The following KIF11 variants were observed in gnomAD, a reference collection of about 807,000 sequenced individuals.
The protein encoded by KIF11 is kinesin-like protein KIF11.
A neutral mutation model predicts 121.0 loss-of-function variants in KIF11; 9 were observed. The ratio of observed to expected loss-of-function variants is 0.07; its 90% CI spans 0.04 to 0.13. KIF11 has a LOEUF of 0.13. KIF11 is among the 10% of genes least tolerant of loss of function. The pLI is 1.00. For synonymous variants in KIF11, 408 were observed against 421.0 expected, an observed-to-expected ratio of 0.97 and a Z score of 0.38; for missense variants, 846 against 1,217.5, an observed-to-expected ratio of 0.69 and a Z score of 4.54.
chr10:92,610,158 C>G (rs1024396500), intron 6 of KIF11, among the ~76,000 whole-genome samples: 25 of 152,230 alleles, frequency 1.6e-4, no homozygotes, highest in African/African-American at 5.1e-4. Flanking sequence ...ACCTCCTTAG[C>G]CTTATGAAGG....
In KIF11 at chr10:92,630,193, G is replaced by T; in HGVS notation, c.1323G>T (p.Met441Ile). 2 of 1,563,256 alleles carry T rather than the reference G, an allele frequency of 1.3e-6. No individual in the cohort carries two copies. Among genetic ancestry groups the T allele is most frequent in the South Asian group, 1.2e-5 (1 of 83,902 alleles). The part of the protein sequence containing the change: ...EELNRVTELF[M>I]DNKNELDQCK... The stretch of plus-strand genomic sequence containing the variant: ...ATATTTAGGTTACAGAGTTGTTTAT[G>T]GATAATAAAAATGAACTTGACCAGT... Residue 441 changes from methionine to isoleucine, a missense_variant, in exon 12 of 22, where the codon ATG (methionine) becomes ATT (isoleucine). Met to Ile is a conservative substitution (Grantham distance 10). This residue lies in a region of KIF11 where 95 missense variants were observed against 109.3 expected (regional missense o/e 0.87). Transcript: ENST00000260731.
intron 8 of KIF11, among the ~76,000 whole-genome samples, chr10:92,614,286 G>C (rs1465421990): frequency 6.6e-6 from 1 of 151,984 alleles, no homozygotes; most frequent in Non-Finnish European, 1.5e-5. Flanking sequence ...TAGTAGAGAC[G>C]TGGTTTCACC....
chr10:92,644,760 C>G (rs1268744565), intron 17 of KIF11, among the ~76,000 whole-genome samples: 5 of 151,968 alleles, frequency 3.3e-5, no homozygotes, highest in Non-Finnish European at 7.4e-5. Flanking sequence ...TGTAAGATAA[C>G]TTGGAATGCT....
At chr10:92,604,059 C>T (rs1052422754) in intron 1 of KIF11, among the ~76,000 whole-genome samples, 1 of 152,152 alleles carries the variant, frequency 6.6e-6, no homozygotes, top group Non-Finnish European at 1.5e-5. Context: ...TCTCCCTTCC[C>T]TCACCATTTT....
chr10:92,621,603 T>C, intron 10 of KIF11, 130 bp downstream of exon 10: 1 of 587,086 alleles, frequency 1.7e-6, no homozygotes, highest in Non-Finnish European at 3.0e-6. Flanking sequence ...ATTTTGTGTG[T>C]GTGTGTGTTT....
In KIF11 at chr10:92,613,300, A is replaced by G. The variant is rs565122386; in HGVS notation, c.790-77A>G. 4.2e-5 allele frequency: 48 copies of G among 1,132,812 alleles called. No homozygotes were observed. In the South Asian group the frequency reaches 6.6e-4, roughly 16 times the overall value. The allele number at this position is 1,132,812 out of a possible 1,614,324, so 70.2% of individuals were successfully genotyped here. On this transcript the variant is annotated intron_variant, in intron 7 of 21. Transcript: ENST00000260731. The surrounding 1 kb of genome is among the most constrained non-coding windows in gnomAD (Gnocchi z 4.2). ...TATTTTGCTGGCGATTTAATACATT[A>G]TGTATCCTGTGAGAATGAAAGTCTT...
At chr10:92,632,350 T>G in intron 12 of KIF11, 136 bp from the exon 13 acceptor site, 2 of 603,024 alleles carry the variant, frequency 3.3e-6, no homozygotes, top group Non-Finnish European at 5.8e-6. Context: ...GTATTTTTAG[T>G]AGAGACGGGG....
chr10:92,638,943 C>T (rs1462116748), intron 16 of KIF11, among the ~76,000 whole-genome samples: 4 of 152,152 alleles, frequency 2.6e-5, no homozygotes, highest in African/African-American at 9.7e-5. Context: ...ATTAGGATGG[C>T]TTCTTCATTT....
chr10:92,645,477 T>A lies in KIF11; in HGVS notation c.2382T>A (p.Val794=), dbSNP rs776560377. Residue 794 remains valine, a synonymous_variant, in exon 18 of 22, where the codon GTT becomes GTA. Coordinates refer to ENST00000260731, the MANE Select transcript of KIF11 (RefSeq NM_004523.4). ...RNFNQEGTKL[V]EESVKHSDKL... ...TTAACCAAGAAGGTACAAAATTGGT[T>A]GAAGAATCTGTGAAACACTCTGATA... is the stretch of plus-strand genomic sequence containing the variant. The A allele has an allele frequency of 2.5e-6, 4 of 1,614,116 alleles. No individual in the cohort carries two copies. The highest frequency in any genetic ancestry group is 3.4e-6 in the Non-Finnish European group (4 of 1,179,982).
chr10:92,645,779 A>G, intron 18 of KIF11, 137 bp downstream of exon 18: 1 of 627,978 alleles, frequency 1.6e-6, no homozygotes, highest in South Asian at 2.3e-5. Context: ...AATATTTGGT[A>G]TGCTTACAGA....
At chr10:92,601,708 ATT>A (rs35982149) in intron 1 of KIF11, among the ~76,000 whole-genome samples, 24 of 141,974 alleles carry the variant, frequency 1.7e-4, no homozygotes, top group African/African-American at 3.3e-4. Context: ...TAAAAAAATA[ATT>A]TTTTTTTTTT....
At chr10:92,611,114 A>G (rs370851675) in intron 6 of KIF11, among the ~76,000 whole-genome samples, 2 of 152,270 alleles carry the variant, frequency 1.3e-5, no homozygotes, top group African/African-American at 4.8e-5. Flanking sequence ...CAGTTTTCCC[A>G]AATTAGAGCT....
intron 14 of KIF11, among the ~76,000 whole-genome samples, chr10:92,636,400 T>A (rs1297244531): frequency 6.6e-6 from 1 of 151,964 alleles, no homozygotes; most frequent in African/African-American, 2.4e-5. Flanking sequence ...GTGGATCACT[T>A]GAGGTCAGGA....
At chr10:92,594,871 A>ATT (rs11429679) in intron 1 of KIF11, among the ~76,000 whole-genome samples, 40 of 150,644 alleles carry the variant, frequency 2.7e-4, no homozygotes, top group South Asian at 2.1e-3. Flanking sequence ...GTGTAAAGAG[A>ATT]TTTTTTTTTT....
rs1241147168 is a variant in KIF11, at chr10:92,654,883, T to C, written c.*1087T>C. Reference sequence around the variant, plus strand: ...GGCTCTGTGCCCACACTCCAAGACCTGTGCCTTTTAGAGAAGCTCACAATG... The same window carrying C: ...GGCTCTGTGCCCACACTCCAAGACCCGTGCCTTTTAGAGAAGCTCACAATG... On this transcript the variant is annotated 3_prime_UTR_variant, in exon 22 of 22. Coordinates refer to ENST00000260731, the MANE Select transcript of KIF11 (RefSeq NM_004523.4). 1 of 152,638 alleles carries C rather than the reference T, an allele frequency of 6.6e-6. No individual in the cohort carries two copies. Among genetic ancestry groups the C allele is most frequent in the Admixed American group, 6.5e-5 (1 of 15,272 alleles). The allele number at this position is 152,638 out of a possible 1,614,324, so 9.5% of individuals were successfully genotyped here.
intron 12 of KIF11, 121 bp downstream of exon 12, chr10:92,630,485 A>G (rs74151667): frequency 1.2e-5 from 6 of 517,506 alleles, no homozygotes; most frequent in African/African-American, 7.9e-5. Context: ...TCCATTTAAA[A>G]AACATTATTT....
intron 1 of KIF11, among the ~76,000 whole-genome samples, chr10:92,601,387 T>C (rs1372373377): frequency 6.6e-6 from 1 of 151,594 alleles, no homozygotes; most frequent in Non-Finnish European, 1.5e-5. Context: ...TTTCTCGTAT[T>C]TTTAGTAGAG....
intron 8 of KIF11, among the ~76,000 whole-genome samples, chr10:92,616,084 G>A (rs1408503705): frequency 6.6e-6 from 1 of 151,806 alleles, no homozygotes; most frequent in African/African-American, 2.4e-5. Flanking sequence ...TGATTCACCC[G>A]CCCCGGCCTT....
intron 21 of KIF11, among the ~76,000 whole-genome samples, chr10:92,651,654 A>ACCGGC (rs999568972): frequency 6.7e-6 from 1 of 149,086 alleles, no homozygotes; most frequent in African/African-American, 2.5e-5. Flanking sequence ...GGTGTGAGCC[A>ACCGGC]CCGGCCCGGC....
Sources: gnomAD v4.1 joint callset for allele counts (sites outside exome capture counted in the v4.1 genomes callset) on GRCh38, gnomAD v4.1.1 for gene constraint, gnomAD v4.1.1 regional missense constraint, Gnocchi (gnomAD v3.1) non-coding constraint, MANE v1.5 for transcripts, NCBI Gene and HGNC (gene_info 2026-07-23, HGNC 2026-07-21) for gene names.